Variants in QTGAL observed in about 807,000 individuals in gnomAD.
QTGAL encodes the protein queuosine-tRNA galactosyltransferase, also known as BGnT-like protein 1.
the QTGAL span, among the ~76,000 whole-genome samples, chr17:83,042,956 A>G: frequency 6.6e-6 from 1 of 152,216 alleles, no homozygotes; most frequent in African/African-American, 2.4e-5. Flanking sequence ...AAAGACAAAG[A>G]AAGAGTCAAT....
chr17:83,051,639 G>C, the QTGAL span: 1 of 1,200,782 alleles, frequency 8.3e-7, no homozygotes, highest in Non-Finnish European at 1.1e-6. Context: ...AGGCGGTGCG[G>C]GGCTGCGAAC....
the QTGAL span, among the ~76,000 whole-genome samples, chr17:82,973,470 C>T: frequency 9.9e-5 from 15 of 152,174 alleles, 1 homozygote; most frequent in Non-Finnish European, 1.8e-4. Context: ...CGGGGAGCAG[C>T]GCTCCTGAGA....
the QTGAL span, chr17:83,051,589 A>G: frequency 1.2e-6 from 1 of 821,166 alleles, no homozygotes. Flanking sequence ...CGCGGGGCCT[A>G]AGGGCTGCTC....
the QTGAL span, among the ~76,000 whole-genome samples, chr17:83,033,184 C>G: frequency 6.6e-6 from 1 of 152,160 alleles, no homozygotes; most frequent in African/African-American, 2.4e-5. Context: ...AAGCGACTAC[C>G]TGTTATTCAG....
At chr17:82,998,880 T>C in the QTGAL span, among the ~76,000 whole-genome samples, 7 of 152,106 alleles carry the variant, frequency 4.6e-5, no homozygotes, top group Admixed American at 4.6e-4. Flanking sequence ...TACGAAAAGA[T>C]GTTTCACATT....
the QTGAL span, among the ~76,000 whole-genome samples, chr17:82,989,468 C>A: frequency 6.7e-6 from 1 of 149,284 alleles, no homozygotes; most frequent in African/African-American, 2.5e-5. Flanking sequence ...CAAATGTACC[C>A]CCCATTCTGC....
chr17:82,996,106 A>G, the QTGAL span, among the ~76,000 whole-genome samples: 28 of 152,262 alleles, frequency 1.8e-4, no homozygotes, highest in Admixed American at 1.8e-3. Flanking sequence ...CACCAAAAAA[A>G]TGGAAAGATA....
the QTGAL span, chr17:82,942,320 A>G: frequency 7.3e-7 from 1 of 1,371,070 alleles, no homozygotes; most frequent in Non-Finnish European, 1.0e-6. Flanking sequence ...TGTGTGGGAA[A>G]CGGCACAAAT....
At chr17:82,991,618 A>G in the QTGAL span, among the ~76,000 whole-genome samples, 1 of 152,206 alleles carries the variant, frequency 6.6e-6, no homozygotes, top group African/African-American at 2.4e-5. Flanking sequence ...TGCAAAGACT[A>G]TATGACAAAT....
chr17:82,946,870 A>T, the QTGAL span: 1 of 1,545,212 alleles, frequency 6.5e-7, no homozygotes, highest in African/African-American at 1.4e-5. Context: ...CTTCGGTGAA[A>T]AGACCCACCT....
At chr17:83,019,429 T>C in the QTGAL span, among the ~76,000 whole-genome samples, 2 of 152,146 alleles carry the variant, frequency 1.3e-5, no homozygotes, top group African/African-American at 4.8e-5. Context: ...CTAAAAGATA[T>C]AAGACATGAG....
At chr17:83,023,760 A>C in the QTGAL span, among the ~76,000 whole-genome samples, 1 of 151,794 alleles carries the variant, frequency 6.6e-6, no homozygotes, top group Non-Finnish European at 1.5e-5. Flanking sequence ...TTCCACCCCC[A>C]CGTCTCCCGA....
the QTGAL span, among the ~76,000 whole-genome samples, chr17:83,045,806 C>CATTTATTTATTTATTTATTTATTTATTT: frequency 7.6e-4 from 115 of 152,016 alleles, no homozygotes; most frequent in Middle Eastern, 3.4e-3. Flanking sequence ...GGAAGATATA[C>CATTTATTTATTTATTTATTTATTTATTT]ATTTATTTAT....
chr17:82,974,900 G>A, the QTGAL span, among the ~76,000 whole-genome samples: 830 of 152,008 alleles, frequency 5.5e-3, 5 homozygotes, highest in Non-Finnish European at 9.2e-3. Context: ...AGGGGCCGGA[G>A]GCCACTTATG....
chr17:82,989,725 T>C, the QTGAL span, among the ~76,000 whole-genome samples: 17 of 152,082 alleles, frequency 1.1e-4, no homozygotes, highest in Non-Finnish European at 1.9e-4. Flanking sequence ...ATAAATGAAT[T>C]ACAGCTCTGT....
the QTGAL span, among the ~76,000 whole-genome samples, chr17:82,961,810 C>T: frequency 6.6e-6 from 1 of 152,240 alleles, no homozygotes; most frequent in African/African-American, 2.4e-5. Flanking sequence ...CAGGCATTCC[C>T]ACCAGACTTT....
chr17:83,048,456 A>G, the QTGAL span: 4 of 1,577,170 alleles, frequency 2.5e-6, no homozygotes, highest in African/African-American at 5.4e-5. Context: ...TAATAAACTA[A>G]GCATGTTTAC....
At chr17:82,979,840 T>C in the QTGAL span, among the ~76,000 whole-genome samples, 1 of 152,208 alleles carries the variant, frequency 6.6e-6, no homozygotes, top group South Asian at 2.1e-4. Context: ...TTTTAAGACC[T>C]GGTCATCAAG....
chr17:82,965,880 C>T, the QTGAL span: 2 of 912,984 alleles, frequency 2.2e-6, no homozygotes, highest in African/African-American at 3.3e-5. Context: ...GTCAGGGCCT[C>T]AAGAGACTTC....
Sources: allele counts gnomAD v4.1 joint callset (sites outside exome capture counted in the v4.1 genomes callset), GRCh38; gene constraint gnomAD v4.1.1; transcripts MANE v1.5; gene names NCBI Gene and HGNC (gene_info 2026-07-23, HGNC 2026-07-21).